Variants in ATRNL1 observed in about 807,000 individuals in gnomAD.
The protein encoded by ATRNL1 is attractin-like protein 1.
In ATRNL1, 95 loss-of-function variants were observed where a neutral mutation model predicts 182.7. The ratio of observed to expected loss-of-function variants is 0.52; its 90% CI spans 0.44 to 0.62. The LOEUF (loss-of-function observed/expected upper bound fraction) is 0.62, where lower values mean the gene tolerates loss of function less well. ATRNL1 is among the 20% of genes least tolerant of loss of function. ATRNL1 has a pLI of 0.00. For missense variants in ATRNL1, 1,471 were observed against 1,679.5 expected (o/e 0.88, Z 2.17); for synonymous variants, 576 against 568.3 (o/e 1.01, Z -0.19).
chr10:115,675,108 A>T (rs969939919), intron 26 of ATRNL1, among the ~76,000 whole-genome samples: 2 of 152,142 alleles, frequency 1.3e-5, no homozygotes, highest in Non-Finnish European at 2.9e-5. Context: ...TTAGCTGCAC[A>T]TGGTGGCTCA....
At chr10:115,552,846 G>C (rs534528564) in intron 26 of ATRNL1, among the ~76,000 whole-genome samples, 1 of 151,226 alleles carries the variant, frequency 6.6e-6, no homozygotes, top group Non-Finnish European at 1.5e-5. Flanking sequence ...TTTGGGATGC[G>C]CTAATGAATG....
intron 18 of ATRNL1, among the ~76,000 whole-genome samples, chr10:115,319,047 C>T (rs1444614739): frequency 6.6e-6 from 1 of 152,162 alleles, no homozygotes; most frequent in Non-Finnish European, 1.5e-5. Context: ...AAATTTTTCT[C>T]TGAACACTCC....
At chr10:115,683,524 T>C (rs1398211356) in intron 26 of ATRNL1, among the ~76,000 whole-genome samples, 5 of 138,880 alleles carry the variant, frequency 3.6e-5, no homozygotes, top group African/African-American at 1.3e-4. Context: ...AAGCAAGGTA[T>C]ATGGGAAGAA....
intron 8 of ATRNL1, among the ~76,000 whole-genome samples, chr10:115,206,521 A>T (rs1003152667): frequency 2.0e-5 from 3 of 152,174 alleles, no homozygotes; most frequent in African/African-American, 7.2e-5. Context: ...AGCTAATATC[A>T]TATCTATATA....
chr10:115,851,845 T>C (rs902453813), intron 28 of ATRNL1, among the ~76,000 whole-genome samples: 1 of 152,134 alleles, frequency 6.6e-6, no homozygotes, highest in African/African-American at 2.4e-5. Flanking sequence ...TCTTCTGACC[T>C]CAAAGTGGTT....
intron 18 of ATRNL1, among the ~76,000 whole-genome samples, chr10:115,327,989 T>C (rs1554933915): frequency 6.6e-6 from 1 of 152,004 alleles, no homozygotes; most frequent in Non-Finnish European, 1.5e-5. Flanking sequence ...TAATGCTAGA[T>C]GACGAGTTAG....
At chr10:115,152,691 T>C (rs1846295241) in intron 5 of ATRNL1, among the ~76,000 whole-genome samples, 1 of 152,202 alleles carries the variant, frequency 6.6e-6, no homozygotes, top group Admixed American at 6.5e-5. Flanking sequence ...CTTTTCCTAA[T>C]TGAATACCCT....
chr10:115,631,421 G>A (rs1858501297), intron 26 of ATRNL1, among the ~76,000 whole-genome samples: 1 of 151,970 alleles, frequency 6.6e-6, no homozygotes, highest in Admixed American at 6.6e-5. Flanking sequence ...TATTACACAT[G>A]CTAACAAAGA....
intron 26 of ATRNL1, among the ~76,000 whole-genome samples, chr10:115,604,874 C>T (rs1285080963): frequency 6.6e-6 from 1 of 151,966 alleles, no homozygotes; most frequent in Admixed American, 6.6e-5. Context: ...ATGTGGAGAT[C>T]TTATTTTGCT....
chr10:115,774,425 CAAAAAAAAAAA>C (rs56048429), intron 27 of ATRNL1, among the ~76,000 whole-genome samples: 3 of 69,376 alleles, frequency 4.3e-5, no homozygotes, highest in Non-Finnish European at 5.5e-5. Context: ...GACTCCATCT[CAAAAAAAAAAA>C]AAAAAAAAAA....
chr10:115,374,702 A>T (rs1423606625), intron 19 of ATRNL1, among the ~76,000 whole-genome samples: 6 of 151,866 alleles, frequency 4.0e-5, no homozygotes, highest in African/African-American at 1.2e-4. Flanking sequence ...TTTTGTCAAG[A>T]CATATTTAAG....
intron 26 of ATRNL1, among the ~76,000 whole-genome samples, chr10:115,688,633 G>C (rs557566429): frequency 6.6e-6 from 1 of 152,018 alleles, no homozygotes; most frequent in African/African-American, 2.4e-5. Context: ...ACAACTATTC[G>C]TGTCCTTTTC....
At chr10:115,525,834 C>G (rs781874003) in intron 25 of ATRNL1, among the ~76,000 whole-genome samples, 1 of 152,160 alleles carries the variant, frequency 6.6e-6, no homozygotes, top group Non-Finnish European at 1.5e-5. Flanking sequence ...TTTATCCAGT[C>G]TTAACATTTC....
chr10:115,565,365 C>T (rs571094972), intron 26 of ATRNL1, among the ~76,000 whole-genome samples: 1 of 152,030 alleles, frequency 6.6e-6, no homozygotes, highest in African/African-American at 2.4e-5. Flanking sequence ...AAAAAGGCTT[C>T]TGCTACTTTT....
intron 20 of ATRNL1, among the ~76,000 whole-genome samples, chr10:115,421,428 G>T (rs1267586882): frequency 2.0e-5 from 3 of 152,082 alleles, no homozygotes; most frequent in African/African-American, 7.2e-5. Flanking sequence ...GCATTACTAG[G>T]ATGAAGGACA....
chr10:115,505,235 G>A (rs1371955050), intron 24 of ATRNL1, among the ~76,000 whole-genome samples: 2 of 151,848 alleles, frequency 1.3e-5, no homozygotes, highest in Non-Finnish European at 2.9e-5. Flanking sequence ...AGCCCACACT[G>A]AATCCTGGGT....
intron 25 of ATRNL1, among the ~76,000 whole-genome samples, chr10:115,534,222 T>G (rs1235106280): frequency 6.6e-6 from 1 of 151,122 alleles, no homozygotes; most frequent in Non-Finnish European, 1.5e-5. Context: ...TCTCCCATTA[T>G]TATTGTGTGG....
At chr10:115,759,576 T>TGTAA (rs1226192900) in intron 27 of ATRNL1, among the ~76,000 whole-genome samples, 1 of 13,392 alleles carries the variant, frequency 7.5e-5, no homozygotes, top group East Asian at 0.083. Context: ...AGAGCAAAGT[T>TGTAA]TTAATTAGGT....
intron 26 of ATRNL1, among the ~76,000 whole-genome samples, chr10:115,577,343 T>C (rs1854777710): frequency 6.6e-6 from 1 of 151,868 alleles, no homozygotes; most frequent in Non-Finnish European, 1.5e-5. Flanking sequence ...CAGTATTAAT[T>C]CTTCAATCCA....
Sources: gnomAD v4.1 joint callset for allele counts (sites outside exome capture counted in the v4.1 genomes callset) on GRCh38, gnomAD v4.1.1 for gene constraint, MANE v1.5 for transcripts, NCBI Gene and HGNC (gene_info 2026-07-23, HGNC 2026-07-21) for gene names.